CSMD1: variants seen among roughly 807,000 people sequenced by gnomAD.
The protein encoded by CSMD1 is CUB and sushi domain-containing protein 1.
A neutral mutation model predicts 417.5 loss-of-function variants in CSMD1; 213 were observed. The ratio of observed to expected loss-of-function variants is 0.51; its 90% CI spans 0.46 to 0.57. The LOEUF is 0.57. CSMD1 is among the 20% of genes least tolerant of loss of function. The probability of loss-of-function intolerance (pLI) is 0.00; values close to 1 mark genes in which losing one functional copy is unlikely to be tolerated. For synonymous variants in CSMD1, 2,862 were observed against 1,736.8 expected, an observed-to-expected ratio of 1.65 and a Z score of -16.11; for missense variants, 6,923 against 4,529.7, an observed-to-expected ratio of 1.53 and a Z score of -15.17.
At chr8:4,319,152 T>C (rs1799113810) in intron 3 of CSMD1, among the ~76,000 whole-genome samples, 1 of 152,080 alleles carries the variant, frequency 6.6e-6, no homozygotes, top group Non-Finnish European at 1.5e-5. Flanking sequence ...ATTGGGAAAA[T>C]ACCTGAAAAT....
intron 15 of CSMD1, among the ~76,000 whole-genome samples, chr8:3,402,210 T>C (rs1327371252): frequency 6.6e-6 from 1 of 152,206 alleles, no homozygotes; most frequent in Non-Finnish European, 1.5e-5. Context: ...GAGAACTCAC[T>C]CACACCCCTG....
intron 26 of CSMD1, among the ~76,000 whole-genome samples, chr8:3,232,716 C>G (rs190540077): frequency 4.0e-4 from 61 of 152,214 alleles, no homozygotes; most frequent in Admixed American, 3.8e-3. Context: ...AGTTCCTGCT[C>G]TATTTGGATT....
At chr8:3,202,053 A>G (rs994979047) in intron 31 of CSMD1, among the ~76,000 whole-genome samples, 12 of 152,180 alleles carry the variant, frequency 7.9e-5, no homozygotes, top group African/African-American at 2.9e-4. Flanking sequence ...CTGTAATCCC[A>G]GTACTTTGGG....
intron 1 of CSMD1, among the ~76,000 whole-genome samples, chr8:4,951,457 G>A (rs1007103825): frequency 7.3e-5 from 11 of 150,166 alleles, no homozygotes; most frequent in African/African-American, 2.2e-4. Flanking sequence ...AGGAAGGAAG[G>A]AAAGAAGGAA....
intron 1 of CSMD1, among the ~76,000 whole-genome samples, chr8:4,696,427 A>G (rs1426468439): frequency 2.0e-5 from 3 of 152,182 alleles, no homozygotes; most frequent in African/African-American, 7.2e-5. Context: ...TGCTTCTCCT[A>G]TTTCTCTAAA....
At chr8:3,951,649 A>C in intron 5 of CSMD1, among the ~76,000 whole-genome samples, 1 of 152,294 alleles carries the variant, frequency 6.6e-6, no homozygotes, top group African/African-American at 2.4e-5. Flanking sequence ...GAAAGGTTAA[A>C]ATTTTTTAAA....
At chr8:3,157,871 CAG>C (rs1819632711) in intron 39 of CSMD1, 24 bp downstream of exon 39, 3 of 1,536,696 alleles carry the variant, frequency 2.0e-6, no homozygotes, top group East Asian at 2.4e-5. Flanking sequence ...TGCGCAGCAG[CAG>C]AGTTACAGAA....
chr8:4,456,997 A>C (rs73660862), intron 2 of CSMD1, among the ~76,000 whole-genome samples: 23 of 151,614 alleles, frequency 1.5e-4, no homozygotes, highest in South Asian at 4.2e-4. Context: ...AAAAAAAAAA[A>C]AACAACAAGA....
intron 3 of CSMD1, among the ~76,000 whole-genome samples, chr8:4,409,872 G>A (rs1011446837): frequency 1.3e-5 from 2 of 152,050 alleles, no homozygotes; most frequent in Admixed American, 6.5e-5. Flanking sequence ...GGAGTGTAAT[G>A]GTGCAATCTT....
chr8:2,964,124 TC>T (rs1273321584), intron 59 of CSMD1, among the ~76,000 whole-genome samples: 2 of 152,060 alleles, frequency 1.3e-5, no homozygotes, highest in Non-Finnish European at 2.9e-5. Flanking sequence ...ATACACAACT[TC>T]CCTAGTTTTT....
At chr8:4,814,403 G>A (rs181201478) in intron 1 of CSMD1, among the ~76,000 whole-genome samples, 20 of 152,248 alleles carry the variant, frequency 1.3e-4, no homozygotes, top group East Asian at 7.7e-4. Context: ...GCACCGCCAA[G>A]CCTGGCTAAT....
intron 2 of CSMD1, among the ~76,000 whole-genome samples, chr8:4,531,598 G>A (rs2130459792): frequency 6.6e-6 from 1 of 152,260 alleles, no homozygotes; most frequent in South Asian, 2.1e-4. Flanking sequence ...AGTGTAAGAT[G>A]CGAGCTTTCT....
chr8:3,168,652 C>T (rs1585539120), intron 37 of CSMD1, among the ~76,000 whole-genome samples: 1 of 151,462 alleles, frequency 6.6e-6, no homozygotes, highest in South Asian at 2.1e-4. Flanking sequence ...CACACACACA[C>T]AAATATATAT....
intron 2 of CSMD1, among the ~76,000 whole-genome samples, chr8:4,458,819 G>C (rs58638434): frequency 0.013 from 2,048 of 152,160 alleles, 46 homozygotes; most frequent in African/African-American, 0.047. Flanking sequence ...TTTTCAATTA[G>C]ATCCAAAGAC....
chr8:3,081,467 C>CT (rs1165400320), intron 49 of CSMD1, among the ~76,000 whole-genome samples: 3 of 151,990 alleles, frequency 2.0e-5, no homozygotes, highest in Non-Finnish European at 4.4e-5. Flanking sequence ...AATTATTTTT[C>CT]TTTTTTTACA....
At chr8:4,128,407 T>A (rs1035640) in intron 3 of CSMD1, among the ~76,000 whole-genome samples, 1 of 152,174 alleles carries the variant, frequency 6.6e-6, no homozygotes, top group Non-Finnish European at 1.5e-5. Context: ...AAAACATCTG[T>A]GATGACTCTA....
At chr8:3,241,863 G>A (rs1216330491) in intron 26 of CSMD1, among the ~76,000 whole-genome samples, 3 of 151,998 alleles carry the variant, frequency 2.0e-5, no homozygotes, top group African/African-American at 7.3e-5. Context: ...TGAAGGCGAC[G>A]TTAATTAAGT....
rs1288933347 is a variant in CSMD1 at position 4,152,766 on chromosome 8, T to C, written c.416-120667A>G. Among the ~76,000 whole-genome samples, 9 of 151,968 alleles carry C rather than the reference T, an allele frequency of 5.9e-5. No homozygotes were observed. The East Asian group carries it at 1.2e-3, about 20-fold the overall frequency. On this transcript the variant is annotated intron_variant, in intron 3 of 69. Coordinates refer to ENST00000635120, the MANE Select transcript of CSMD1 (RefSeq NM_033225.6). ...CGTCCATAGTAATATATACATATAATCAAATATATATGCATGCATTTTTAT... is the reference window on the plus strand; with the variant it reads ...CGTCCATAGTAATATATACATATAACCAAATATATATGCATGCATTTTTAT...
At chr8:3,476,091 C>T (rs1030108639) in intron 11 of CSMD1, among the ~76,000 whole-genome samples, 2 of 152,106 alleles carry the variant, frequency 1.3e-5, no homozygotes, top group African/African-American at 4.8e-5. Flanking sequence ...GCCTGTAATC[C>T]CAGCACTTTC....
Sources: gnomAD v4.1 joint callset for allele counts (sites outside exome capture counted in the v4.1 genomes callset) on GRCh38, gnomAD v4.1.1 for gene constraint, MANE v1.5 for transcripts, NCBI Gene and HGNC (gene_info 2026-07-23, HGNC 2026-07-21) for gene names.